DCAF7: variants seen among roughly 807,000 people sequenced by gnomAD.
DCAF7 encodes the protein DDB1- and CUL4-associated factor 7.
DCAF7 carries 4 observed loss-of-function variants against 41.2 expected under a neutral mutation model. The ratio of observed to expected loss-of-function variants is 0.10; its 90% CI spans 0.05 to 0.22. DCAF7 has a LOEUF of 0.22. Ranked by LOEUF, DCAF7 falls within the 10% of genes least tolerant of loss-of-function variation. The pLI is 1.00. For synonymous variants in DCAF7, 143 were observed against 164.2 expected (o/e 0.87, Z 0.99); for missense variants, 131 against 443.2 (o/e 0.30, Z 6.32).
chr17:63,588,995 C>G lies in DCAF7; in HGVS notation c.857-5C>G. Reference sequence around the variant, plus strand: ...ACCTTGCTTGCTGGCTTTCTTTGTCCCTAGCGGATGACCACCAGGCTCTCA... The same window carrying G: ...ACCTTGCTTGCTGGCTTTCTTTGTCGCTAGCGGATGACCACCAGGCTCTCA... On this transcript the variant is annotated splice_polypyrimidine_tract_variant and splice_region_variant and intron_variant, in intron 6 of 6. Coordinates refer to ENST00000614556, the MANE Select transcript of DCAF7 (RefSeq NM_005828.5). 1 of 1,605,928 alleles carries G rather than the reference C, an allele frequency of 6.2e-7. No homozygotes were observed. The highest frequency in any genetic ancestry group is 8.5e-7 in the Non-Finnish European group (1 of 1,174,426).
At chr17:63,553,047 C>A (rs1261420727) in intron 1 of DCAF7, among the ~76,000 whole-genome samples, 1 of 152,186 alleles carries the variant, frequency 6.6e-6, no homozygotes, top group East Asian at 1.9e-4. Flanking sequence ...GACCCCTTCT[C>A]ATAGTTATGT....
At chr17:63,586,106 CA>C in intron 6 of DCAF7, among the ~76,000 whole-genome samples, 1 of 113,276 alleles carries the variant, frequency 8.8e-6, no homozygotes, top group Non-Finnish European at 1.7e-5. Context: ...GCCAGGGCAA[CA>C]GAGCAAGACT....
chr17:63,559,395 ATATG>A (rs1270060815), intron 1 of DCAF7, among the ~76,000 whole-genome samples: 69 of 96,900 alleles, frequency 7.1e-4, no homozygotes, highest in Non-Finnish European at 1.0e-3. Context: ...ATGTATATAT[ATATG>A]TATATATATG....
intron 1 of DCAF7, among the ~76,000 whole-genome samples, chr17:63,560,993 G>A (rs2033373418): frequency 2.0e-5 from 3 of 152,210 alleles, no homozygotes; most frequent in African/African-American, 7.2e-5. Context: ...CTACAGGCTG[G>A]GTGCAGTGGC....
At position 63,579,345 on chromosome 17, in the gene DCAF7, A is replaced by G; in HGVS notation, c.306A>G (p.Glu102=). The part of the protein sequence containing the change: ...GDYLRVWRVG[E]TETRLECLLN... ...AATTCTTGTTCCTTCAGGTTGGTGA[A>G]ACAGAGACCAGGCTGGAGTGTTTGC... Residue 102 remains glutamate (E), a synonymous_variant, in exon 3 of 7, where the codon GAA becomes GAG. Coordinates refer to ENST00000614556, the MANE Select transcript of DCAF7 (RefSeq NM_005828.5). The G allele has an allele frequency of 1.2e-6, 2 of 1,600,246 alleles. No individual in the cohort carries two copies. The highest frequency in any genetic ancestry group is 1.1e-5 in the South Asian group (1 of 88,482).
chr17:63,559,503 A>C (rs1043532150), intron 1 of DCAF7, among the ~76,000 whole-genome samples: 1 of 148,072 alleles, frequency 6.8e-6, no homozygotes, highest in Non-Finnish European at 1.5e-5. Context: ...TTGGATCTCT[A>C]CCTTAAGCTT....
At chr17:63,572,347 T>G (rs2033516627) in intron 1 of DCAF7, among the ~76,000 whole-genome samples, 1 of 152,118 alleles carries the variant, frequency 6.6e-6, no homozygotes, top group South Asian at 2.1e-4. Context: ...CGTATTAACA[T>G]TGGGCAGGAT....
rs2033753105 is a variant in DCAF7 at position 63,593,312 on chromosome 17, C to T, written c.*4140C>T. 2 of 152,776 alleles carry T rather than the reference C, an allele frequency of 1.3e-5. No individual in the cohort carries two copies. Among genetic ancestry groups the T allele is most frequent in the Admixed American group, 6.5e-5 (1 of 15,286 alleles). The allele number at this position is 152,776 out of a possible 1,614,324, so 9.5% of individuals were successfully genotyped here. A position where few individuals can be genotyped will look rare whatever the true frequency, so the allele number is the denominator to read the frequency against. On this transcript the variant is annotated 3_prime_UTR_variant, in exon 7 of 7. Transcript: ENST00000614556. ...GCAGACCCTTGCCCACTTCACCCAC[C>T]TGCACCTTCTCCCCCTCTCACAGTG...
At chr17:63,558,601 G>C (rs1336784698) in intron 1 of DCAF7, among the ~76,000 whole-genome samples, 1 of 152,148 alleles carries the variant, frequency 6.6e-6, no homozygotes, top group East Asian at 1.9e-4. Context: ...GCAGTAGTGT[G>C]AGTATAACTC....
At chr17:63,565,751 G>C (rs946235531) in intron 1 of DCAF7, among the ~76,000 whole-genome samples, 2 of 152,138 alleles carry the variant, frequency 1.3e-5, no homozygotes, top group Non-Finnish European at 2.9e-5. Context: ...CCATGTAAGT[G>C]CTCAGTTATT....
rs2033711229 is a variant in DCAF7, at chr17:63,589,364, G to C, written c.*192G>C. 1 of 751,602 alleles carries C rather than the reference G, an allele frequency of 1.3e-6. No homozygotes were observed. Among genetic ancestry groups the C allele is most frequent in the Non-Finnish European group, 2.3e-6 (1 of 434,844 alleles). 46.6% of individuals were successfully genotyped at this position (751,602 alleles called of 1,614,324 possible). On this transcript the variant is annotated 3_prime_UTR_variant, in exon 7 of 7. Transcript: ENST00000614556. The stretch of plus-strand genomic sequence containing the variant: ...CCCTCTGTGGCAGACTCAGTGCTGT[G>C]TGGCGCCTCCTCAGCCCAGGGCTGA...
intron 1 of DCAF7, among the ~76,000 whole-genome samples, chr17:63,577,622 T>C (rs914210943): frequency 1.3e-5 from 2 of 152,212 alleles, no homozygotes; most frequent in Non-Finnish European, 2.9e-5. Flanking sequence ...AAACGGTCAT[T>C]TGACATACCT....
chr17:63,578,223 G>A (rs926415911), intron 1 of DCAF7, among the ~76,000 whole-genome samples: 1 of 152,108 alleles, frequency 6.6e-6, no homozygotes, highest in Non-Finnish European at 1.5e-5. Context: ...AATTAGCTGT[G>A]TCTGGTGGTG....
At position 63,590,172 on chromosome 17, in the gene DCAF7, ATC is replaced by A. The variant is rs1167013257; in HGVS notation, c.*1002_*1003del. ...CTTTTCAATGATAGGCAAGAATGAT[ATC>A]TGAGTTGAACTTCGGTGCTTCTGTT... On this transcript the variant is annotated 3_prime_UTR_variant, in exon 7 of 7. Coordinates refer to ENST00000614556, the MANE Select transcript of DCAF7 (RefSeq NM_005828.5). 1 of 152,628 alleles carries A rather than the reference ATC, an allele frequency of 6.6e-6. No homozygotes were observed. Among genetic ancestry groups the A allele is most frequent in the Non-Finnish European group, 1.5e-5 (1 of 68,052 alleles). 9.5% of individuals were successfully genotyped at this position (152,628 alleles called of 1,614,324 possible). A position where few individuals can be genotyped will look rare whatever the true frequency, so the allele number is the denominator to read the frequency against.
At chr17:63,552,776 T>G (rs955865500) in intron 1 of DCAF7, among the ~76,000 whole-genome samples, 1 of 152,226 alleles carries the variant, frequency 6.6e-6, no homozygotes, top group East Asian at 1.9e-4. Flanking sequence ...GTAGTCAAAC[T>G]GCTGTTGCAG....
At chr17:63,585,409 T>C in intron 6 of DCAF7, 81 bp downstream of exon 6, 1 of 1,279,954 alleles carries the variant, frequency 7.8e-7, no homozygotes, top group East Asian at 2.3e-5. Context: ...TAGTTGTTAC[T>C]GTTTTCTAAG....
At chr17:63,552,252 A>C (rs2033265564) in intron 1 of DCAF7, 1 of 152,122 alleles carries the variant, frequency 6.6e-6, no homozygotes, top group Non-Finnish European at 1.5e-5. Context: ...GGGTCTTGTA[A>C]AAAAGAAATT....
At chr17:63,568,581 T>C (rs114315747) in intron 1 of DCAF7, among the ~76,000 whole-genome samples, 2,313 of 152,328 alleles carry the variant, frequency 0.015, 56 homozygotes, top group African/African-American at 0.052. Flanking sequence ...TCTCTGTCAT[T>C]AACAGAAACC....
chr17:63,562,822 CT>C (rs72028555), intron 1 of DCAF7, among the ~76,000 whole-genome samples: 44,799 of 141,408 alleles, frequency 0.32, 8,195 homozygotes, highest in African/African-American at 0.54. Context: ...AAAATATTTT[CT>C]TTTTTTTTTT....
Sources: gnomAD v4.1 joint callset for allele counts (sites outside exome capture counted in the v4.1 genomes callset) on GRCh38, gnomAD v4.1.1 for gene constraint, MANE v1.5 for transcripts, NCBI Gene and HGNC (gene_info 2026-07-23, HGNC 2026-07-21) for gene names.